TRPC4: variants seen among roughly 807,000 people sequenced by gnomAD.
TRPC4 encodes short transient receptor potential channel 4.
TRPC4 carries 49 observed loss-of-function variants against 99.4 expected under a neutral mutation model. The observed-to-expected ratio is 0.49, with a 90% CI of 0.39 to 0.63. The LOEUF (loss-of-function observed/expected upper bound fraction) is 0.63. Ranked by LOEUF, TRPC4 falls within the 20% of genes least tolerant of loss-of-function variation. The pLI is 0.00. For missense variants in TRPC4, 898 were observed against 1,152.9 expected, an observed-to-expected ratio of 0.78 and a Z score of 3.20; for synonymous variants, 454 against 425.9, an observed-to-expected ratio of 1.07 and a Z score of -0.81.
chr13:37,839,807 G>A (rs612308), intron 1 of TRPC4, among the ~76,000 whole-genome samples: 82,549 of 151,824 alleles, frequency 0.54, 22,945 homozygotes, highest in East Asian at 0.69. Flanking sequence ...GGTGGCTTCA[G>A]ACAAGTCAAA....
chr13:37,652,781 T>C (rs1217650646), intron 7 of TRPC4, among the ~76,000 whole-genome samples: 2 of 876 alleles, frequency 2.3e-3, no homozygotes, highest in Non-Finnish European at 0.014. Flanking sequence ...CATTGGCCTG[T>C]GGATAGCTCC....
At chr13:37,714,229 C>T (rs9532106) in intron 3 of TRPC4, among the ~76,000 whole-genome samples, 41,918 of 151,760 alleles carry the variant, frequency 0.28, 6,439 homozygotes, top group Admixed American at 0.38. Flanking sequence ...TGGGTTCAAA[C>T]GATTCTCCTG....
intron 1 of TRPC4, among the ~76,000 whole-genome samples, chr13:37,832,271 C>T (rs183877714): frequency 2.0e-5 from 3 of 152,082 alleles, no homozygotes; most frequent in African/African-American, 7.2e-5. Context: ...AATTTGGCCA[C>T]GCGCTGTAGC....
chr13:37,863,602 G>C (rs1159199280), intron 1 of TRPC4, among the ~76,000 whole-genome samples: 2 of 151,616 alleles, frequency 1.3e-5, no homozygotes, highest in African/African-American at 4.8e-5. Flanking sequence ...TTCAGGGCAT[G>C]CAGCTTCACT....
At chr13:37,844,726 C>A (rs1958842486) in intron 1 of TRPC4, among the ~76,000 whole-genome samples, 1 of 152,078 alleles carries the variant, frequency 6.6e-6, no homozygotes, top group Non-Finnish European at 1.5e-5. Context: ...TCTAGTACTG[C>A]CAAAAACCAG....
At chr13:37,752,371 A>T (rs1955958869) in intron 2 of TRPC4, among the ~76,000 whole-genome samples, 1 of 151,790 alleles carries the variant, frequency 6.6e-6, no homozygotes, top group Non-Finnish European at 1.5e-5. Context: ...TCCACACATG[A>T]CACATCGATT....
Position 37,636,777 on chromosome 13 carries a change from A to AGCTGTT in TRPC4, c.*125_*126insAACAGC. 7.5e-7 allele frequency: 1 copy of AGCTGTT among 1,325,854 alleles called. No individual in the cohort carries two copies. The highest frequency in any genetic ancestry group is 1.0e-6 in the Non-Finnish European group (1 of 995,406). 82.1% of individuals were successfully genotyped at this position (1,325,854 alleles called of 1,614,324 possible). A position where few individuals can be genotyped will look rare whatever the true frequency, so the allele number is the denominator to read the frequency against. ...CTTATTTAAACATGTTACAGGTAAT[A>AGCTGTT]TGCCACAGCTGATAAACGCTATAAA... On this transcript the variant is annotated 3_prime_UTR_variant, in exon 11 of 11. Transcript: ENST00000379705.
intron 3 of TRPC4, among the ~76,000 whole-genome samples, chr13:37,716,971 T>A (rs1593577462): frequency 6.6e-6 from 1 of 152,010 alleles, no homozygotes; most frequent in African/African-American, 2.4e-5. Context: ...ACTGAATACA[T>A]GTTTATATAA....
intron 4 of TRPC4, among the ~76,000 whole-genome samples, chr13:37,684,139 C>G (rs1419893480): frequency 6.6e-6 from 1 of 152,066 alleles, no homozygotes; most frequent in Non-Finnish European, 1.5e-5. Flanking sequence ...TTTGGAATTT[C>G]TAAATCAGCC....
At chr13:37,784,519 T>C (rs1956923089) in intron 1 of TRPC4, among the ~76,000 whole-genome samples, 1 of 152,058 alleles carries the variant, frequency 6.6e-6, no homozygotes, top group Non-Finnish European at 1.5e-5. Context: ...TGCATACTTA[T>C]TATCTAACCT....
chr13:37,784,072 A>G (rs1956913211), intron 1 of TRPC4, among the ~76,000 whole-genome samples: 1 of 152,150 alleles, frequency 6.6e-6, no homozygotes, highest in East Asian at 1.9e-4. Flanking sequence ...ATTAATGTCA[A>G]TAAAATATAC....
intron 6 of TRPC4, among the ~76,000 whole-genome samples, chr13:37,661,374 A>G (rs1952432330): frequency 6.6e-6 from 1 of 152,228 alleles, no homozygotes; most frequent in South Asian, 2.1e-4. Context: ...GGGATCATAA[A>G]TCATGACAGT....
At chr13:37,834,822 G>T (rs941493550) in intron 1 of TRPC4, among the ~76,000 whole-genome samples, 2 of 152,030 alleles carry the variant, frequency 1.3e-5, no homozygotes, top group African/African-American at 4.8e-5. Flanking sequence ...CTGCCTCCTG[G>T]GTTCAAGTGA....
intron 6 of TRPC4, among the ~76,000 whole-genome samples, chr13:37,662,299 A>G (rs1027837842): frequency 6.8e-6 from 1 of 146,480 alleles, no homozygotes; most frequent in Non-Finnish European, 1.5e-5. Flanking sequence ...GACTGAGCAA[A>G]ACTCTGCCTT....
At chr13:37,842,515 C>T (rs951356576) in intron 1 of TRPC4, among the ~76,000 whole-genome samples, 2 of 152,002 alleles carry the variant, frequency 1.3e-5, no homozygotes, top group African/African-American at 4.8e-5. Flanking sequence ...GACTGAGTGG[C>T]TTATAAGGCA....
chr13:37,696,046 T>G (rs1953892557), intron 3 of TRPC4, among the ~76,000 whole-genome samples: 2 of 152,050 alleles, frequency 1.3e-5, no homozygotes, highest in East Asian at 1.9e-4. Flanking sequence ...ACAGAAGAGG[T>G]TTAATGGACT....
At position 37,634,019 on chromosome 13, in the gene TRPC4, G is replaced by C. The variant is rs547267162; in HGVS notation, c.*2884C>G. Among the ~76,000 whole-genome samples the C allele has an allele frequency of 6.6e-6, 1 of 152,100 alleles. No individual in the cohort carries two copies. Among genetic ancestry groups the C allele is most frequent in the East Asian group, 1.9e-4 (1 of 5,176 alleles). ...CAAAGTGTTTTAAACTTACCTGCTA[G>C]TCTATTAAACTGAATTTTCAACACA... On this transcript the variant is annotated 3_prime_UTR_variant, in exon 11 of 11. Coordinates refer to ENST00000379705, the MANE Select transcript of TRPC4 (RefSeq NM_016179.4).
At chr13:37,840,323 A>C (rs1958697514) in intron 1 of TRPC4, among the ~76,000 whole-genome samples, 1 of 152,150 alleles carries the variant, frequency 6.6e-6, no homozygotes, top group Non-Finnish European at 1.5e-5. Flanking sequence ...GATGTGTTTG[A>C]AAGAGTTTGT....
chr13:37,664,783 T>G (rs1433065966), intron 5 of TRPC4, among the ~76,000 whole-genome samples: 1 of 152,182 alleles, frequency 6.6e-6, no homozygotes, highest in Non-Finnish European at 1.5e-5. Context: ...TTTATTCTTT[T>G]TATAGCACAT....
Sources: allele counts gnomAD v4.1 joint callset (sites outside exome capture counted in the v4.1 genomes callset), GRCh38; gene constraint gnomAD v4.1.1; transcripts MANE v1.5; gene names NCBI Gene and HGNC (gene_info 2026-07-23, HGNC 2026-07-21).